COL23A1: variants seen among roughly 807,000 people sequenced by gnomAD.
COL23A1 encodes the protein collagen type XXIII alpha 1 chain, also known as collagen alpha-1(XXIII) chain.
In COL23A1, 97 loss-of-function variants were observed where a neutral mutation model predicts 99.3. The observed-to-expected ratio is 0.98, with a 90% CI of 0.83 to 1.16. The LOEUF is 1.16. Among genes scored for constraint, COL23A1 ranks in the 50% most tolerant of loss-of-function variants. The pLI is 0.00. For synonymous variants in COL23A1, 320 were observed against 308.2 expected, an observed-to-expected ratio of 1.04 and a Z score of -0.40; for missense variants, 762 against 757.4, an observed-to-expected ratio of 1.01 and a Z score of -0.07.
chr5:178,267,907 CTTAAT>C (rs1432005040), intron 7 of COL23A1, among the ~76,000 whole-genome samples: 2 of 152,196 alleles, frequency 1.3e-5, no homozygotes, highest in Non-Finnish European at 2.9e-5. Context: ...TGAGATTGGT[CTTAAT>C]TTACAGATGG....
intron 1 of COL23A1, among the ~76,000 whole-genome samples, chr5:178,580,187 G>A (rs1763589933): frequency 6.6e-6 from 1 of 152,158 alleles, no homozygotes; most frequent in African/African-American, 2.4e-5. Flanking sequence ...ACTTAGCCGG[G>A]TGTGATGGCG....
At chr5:178,333,263 G>A (rs561931017) in intron 2 of COL23A1, among the ~76,000 whole-genome samples, 1 of 152,274 alleles carries the variant, frequency 6.6e-6, no homozygotes, top group South Asian at 2.1e-4. Context: ...GCCGACTCAT[G>A]TTTTAAAAAA....
At chr5:178,388,525 G>A (rs980688228) in intron 2 of COL23A1, among the ~76,000 whole-genome samples, 1 of 152,190 alleles carries the variant, frequency 6.6e-6, no homozygotes, top group Non-Finnish European at 1.5e-5. Context: ...GGGGATCCCA[G>A]CTGGGAGAGG....
At chr5:178,440,209 G>A (rs953289014) in intron 2 of COL23A1, among the ~76,000 whole-genome samples, 3 of 152,134 alleles carry the variant, frequency 2.0e-5, no homozygotes, top group African/African-American at 7.2e-5. Flanking sequence ...GGCTCACACA[G>A]GAGAGAGTAC....
chr5:178,466,825 C>T (rs975725341), intron 2 of COL23A1, among the ~76,000 whole-genome samples: 3 of 152,198 alleles, frequency 2.0e-5, no homozygotes, highest in Non-Finnish European at 2.9e-5. Flanking sequence ...AGGACAGCCA[C>T]GTCTGGGGGT....
At chr5:178,565,961 CAAAAAA>C (rs555054624) in intron 1 of COL23A1, among the ~76,000 whole-genome samples, 1 of 98,390 alleles carries the variant, frequency 1.0e-5, no homozygotes, top group South Asian at 3.1e-4. Context: ...AAAAAAAATA[CAAAAAA>C]AAAAAAAAAA....
At chr5:178,289,688 CA>C (rs1757350094) in intron 4 of COL23A1, among the ~76,000 whole-genome samples, 1 of 152,180 alleles carries the variant, frequency 6.6e-6, no homozygotes, top group Non-Finnish European at 1.5e-5. Flanking sequence ...TTAGAAACGT[CA>C]ACTGTCACGG....
intron 2 of COL23A1, among the ~76,000 whole-genome samples, chr5:178,420,163 G>A (rs1482383803): frequency 2.6e-5 from 4 of 152,178 alleles, no homozygotes; most frequent in Non-Finnish European, 4.4e-5. Context: ...CCGCAGTCTC[G>A]TCACTTATCA....
chr5:178,263,537 C>G (rs917405340), intron 8 of COL23A1, among the ~76,000 whole-genome samples: 10 of 152,198 alleles, frequency 6.6e-5, no homozygotes, highest in African/African-American at 2.4e-4. Flanking sequence ...CCTACAGGAC[C>G]CTTTACATGC....
At chr5:178,532,770 G>A (rs1476589898) in intron 2 of COL23A1, among the ~76,000 whole-genome samples, 1 of 152,182 alleles carries the variant, frequency 6.6e-6, no homozygotes, top group Non-Finnish European at 1.5e-5. Flanking sequence ...TAGGGCCCCG[G>A]TGATGGGATT....
At chr5:178,574,230 G>C (rs114014657) in intron 1 of COL23A1, among the ~76,000 whole-genome samples, 1 of 152,092 alleles carries the variant, frequency 6.6e-6, no homozygotes, top group Non-Finnish European at 1.5e-5. Flanking sequence ...GCAAGAAGGC[G>C]GTTACCTCTG....
At chr5:178,332,952 G>GT (rs111806170) in intron 2 of COL23A1, among the ~76,000 whole-genome samples, 1,950 of 150,730 alleles carry the variant, frequency 0.013, 50 homozygotes, top group African/African-American at 0.044. Flanking sequence ...CTCATGGTTT[G>GT]TTTTTTTTTG....
At chr5:178,410,275 T>C (rs534645992) in intron 2 of COL23A1, among the ~76,000 whole-genome samples, 1 of 152,350 alleles carries the variant, frequency 6.6e-6, no homozygotes, top group African/African-American at 2.4e-5. Context: ...ATACTTAATA[T>C]TGTTAAGATG....
intron 2 of COL23A1, among the ~76,000 whole-genome samples, chr5:178,343,421 C>G (rs1760780736): frequency 6.6e-6 from 1 of 152,094 alleles, no homozygotes; most frequent in Non-Finnish European, 1.5e-5. Flanking sequence ...AGGCAGGGGA[C>G]AAGCTGAAAC....
chr5:178,241,974 G>T (rs1395067163), intron 27 of COL23A1, 68 bp downstream of exon 27: 2 of 1,222,954 alleles, frequency 1.6e-6, no homozygotes, highest in Non-Finnish European at 2.3e-6. Flanking sequence ...CGAGGACAGG[G>T]AAGATGTTGG....
At chr5:178,386,796 G>T (rs1763700220) in intron 2 of COL23A1, among the ~76,000 whole-genome samples, 1 of 152,180 alleles carries the variant, frequency 6.6e-6, no homozygotes, top group Non-Finnish European at 1.5e-5. Flanking sequence ...TGGGGAGCAA[G>T]AGCCTGGGAG....
At chr5:178,263,176 C>T in intron 9 of COL23A1, 32 bp downstream of exon 9, 1 of 1,514,916 alleles carries the variant, frequency 6.6e-7, no homozygotes, top group Non-Finnish European at 9.2e-7. Flanking sequence ...TTGGTCAAGT[C>T]CTGCGTGGCC....
intron 2 of COL23A1, among the ~76,000 whole-genome samples, chr5:178,474,873 C>A (rs1315977216): frequency 6.6e-6 from 1 of 152,232 alleles, no homozygotes; most frequent in East Asian, 1.9e-4. Flanking sequence ...CAGAAATTTA[C>A]TGTCTCATTG....
At chr5:178,549,373 T>TA (rs1377235801) in intron 2 of COL23A1, among the ~76,000 whole-genome samples, 2 of 151,666 alleles carry the variant, frequency 1.3e-5, no homozygotes, top group African/African-American at 4.8e-5. Flanking sequence ...AGTAGGACAA[T>TA]AAAATATATT....
Sources: allele counts gnomAD v4.1 joint callset (sites outside exome capture counted in the v4.1 genomes callset), GRCh38; gene constraint gnomAD v4.1.1; transcripts MANE v1.5; gene names NCBI Gene and HGNC (gene_info 2026-07-23, HGNC 2026-07-21).